The following ENTPD1 variants were observed in gnomAD, a reference collection of about 807,000 sequenced individuals.
The protein encoded by ENTPD1 is ectonucleoside triphosphate diphosphohydrolase 1.
ENTPD1 carries 33 observed loss-of-function variants against 57.0 expected under a neutral mutation model. The observed-to-expected ratio is 0.58, with a 90% CI of 0.44 to 0.77. ENTPD1 has a LOEUF of 0.77. Among genes scored for constraint, ENTPD1 ranks in the 30% least tolerant of loss-of-function variants. The probability of loss-of-function intolerance (pLI) is 0.00; values close to 1 mark genes in which losing one functional copy is unlikely to be tolerated. For missense variants in ENTPD1, 501 were observed against 603.4 expected (o/e 0.83, Z 1.78); for synonymous variants, 202 against 218.8 (o/e 0.92, Z 0.68).
intron 1 of ENTPD1, among the ~76,000 whole-genome samples, chr10:95,749,345 T>C (rs780632956): frequency 2.6e-5 from 4 of 152,234 alleles, no homozygotes; most frequent in African/African-American, 7.2e-5. Flanking sequence ...ATATATCTGA[T>C]ACATTTCAAT....
the ENTPD1 span, among the ~76,000 whole-genome samples, chr10:95,696,972 C>T: frequency 0.016 from 2,376 of 152,310 alleles, 59 homozygotes; most frequent in African/African-American, 0.054. Context: ...CTTGTGCATA[C>T]ATGAACATGC....
rs142541792 is a variant in ENTPD1, at chr10:95,851,294, A to G, written c.1074+3588A>G. On this transcript the variant is annotated intron_variant, in intron 7 of 9. Coordinates refer to ENST00000371205, the MANE Select transcript of ENTPD1 (RefSeq NM_001776.6). ...TTGGTACAAAAGTAATTGTGGTTTC[A>G]GACCATGAATTTTATTTTTTTAATT... 5.4e-3 allele frequency among the ~76,000 whole-genome samples: 822 copies of G among 152,060 alleles called. 11 individuals are homozygous for G. The highest frequency in any genetic ancestry group is 0.018 in the African/African-American group (745 of 41,532).
Position 95,845,417 on chromosome 10 carries a change from T to C in ENTPD1, c.634T>C (p.Leu212=). The change falls in exon 6 of 10, where the codon TTG becomes CTG. Residue 212 remains leucine, a synonymous_variant. Coordinates refer to ENST00000371205, the MANE Select transcript of ENTPD1 (RefSeq NM_001776.6). ...CAATAATCAGGAAACCTTTGGAGCT[T>C]TGGACCTTGGGGGAGCCTCTACACA... ...ETNNQETFGA[L]DLGGASTQVT... The C allele has an allele frequency of 6.2e-7, 1 of 1,614,156 alleles. No individual in the cohort carries two copies. The highest frequency in any genetic ancestry group is 8.5e-7 in the Non-Finnish European group (1 of 1,180,026).
At chr10:95,744,934 T>C (rs1244911874) in intron 1 of ENTPD1, among the ~76,000 whole-genome samples, 1 of 152,190 alleles carries the variant, frequency 6.6e-6, no homozygotes, top group Non-Finnish European at 1.5e-5. Flanking sequence ...CCCTGATGAA[T>C]CTTTGGTAAT....
chr10:95,848,055 C>CTGA (rs1284976982), intron 7 of ENTPD1, among the ~76,000 whole-genome samples: 4 of 152,106 alleles, frequency 2.6e-5, no homozygotes, highest in Non-Finnish European at 5.9e-5. Flanking sequence ...AGAGGTTAGC[C>CTGA]CCAGCAGTGT....
Position 95,740,344 on chromosome 10 carries a change from C to T in ENTPD1, c.37+28351C>T, listed in dbSNP as rs549737016. Among the ~76,000 whole-genome samples the T allele has an allele frequency of 2.6e-4, 39 of 152,260 alleles. 1 individual carries two copies. In the South Asian group the frequency reaches 7.9e-3, roughly 31 times the overall value. ...TTTACCATGTTGGCCAGGCTGGGCT[C>T]GAACTCCTAACCTCAGGTGATCTGC... is the stretch of plus-strand genomic sequence containing the variant. On this transcript the variant is annotated intron_variant, in intron 1 of 9. Coordinates refer to the ENTPD1 transcript ENST00000453258.
intron 1 of ENTPD1, among the ~76,000 whole-genome samples, chr10:95,783,256 C>G (rs1372396799): frequency 6.6e-6 from 1 of 152,154 alleles, no homozygotes; most frequent in African/African-American, 2.4e-5. Flanking sequence ...GGGGTCATCA[C>G]TCTGTAGGAG....
At chr10:95,714,065 C>T (rs1487658102) in intron 1 of ENTPD1, among the ~76,000 whole-genome samples, 2 of 152,208 alleles carry the variant, frequency 1.3e-5, no homozygotes, top group African/African-American at 2.4e-5. Flanking sequence ...AATCCCAGCA[C>T]TTTGGGAGGC....
rs144023137 is a variant in ENTPD1 at position 95,778,167 on chromosome 10, T to A, written c.16+21912T>A. 3.7e-3 allele frequency among the ~76,000 whole-genome samples: 558 copies of A among 152,216 alleles called. 8 individuals are homozygous for A. Among genetic ancestry groups the A allele is most frequent in the South Asian group, 0.011 (51 of 4,820 alleles). On this transcript the variant is annotated intron_variant, in intron 1 of 9. Transcript: ENST00000371205. ...TGGGCTGCACCCACTGTCCAACCAG[T>A]CCCAATGAGATGAACCAGGTACCTC... is the stretch of plus-strand genomic sequence containing the variant.
intron 1 of ENTPD1, among the ~76,000 whole-genome samples, chr10:95,716,680 TATG>T (rs2097971929): frequency 6.6e-6 from 1 of 152,234 alleles, no homozygotes; most frequent in Non-Finnish European, 1.5e-5. Context: ...TCTGCTATGT[TATG>T]ATGCAACGTG....
chr10:95,711,040 T>C (rs2097965134), upstream of ENTPD1, among the ~76,000 whole-genome samples: 1 of 152,150 alleles, frequency 6.6e-6, no homozygotes, highest in African/African-American at 2.4e-5. Context: ...GGACTTTCTC[T>C]TGCCCTTCTG....
intron 1 of ENTPD1, among the ~76,000 whole-genome samples, chr10:95,792,969 A>C (rs1304258466): frequency 6.6e-6 from 1 of 152,160 alleles, no homozygotes; most frequent in Non-Finnish European, 1.5e-5. Context: ...TGTGTCCAGC[A>C]TCTTGCCAGG....
In ENTPD1 at chr10:95,744,911, C is replaced by T. The variant is rs191751200; in HGVS notation, c.37+32918C>T. ...AAATATCCCCTCTGCTTTACTTATT[C>T]GACCTTTCCCTACCCTGATGAATCT... On this transcript the variant is annotated intron_variant, in intron 1 of 9. Coordinates refer to the ENTPD1 transcript ENST00000453258. Among the ~76,000 whole-genome samples, 155 of 152,232 alleles carry T rather than the reference C, an allele frequency of 1.0e-3. 1 individual carries two copies. Among genetic ancestry groups the T allele is most frequent in the African/African-American group, 3.2e-3 (131 of 41,562 alleles).
intron 7 of ENTPD1, among the ~76,000 whole-genome samples, chr10:95,849,289 A>G (rs1358840330): frequency 6.6e-6 from 1 of 152,210 alleles, no homozygotes; most frequent in Non-Finnish European, 1.5e-5. Flanking sequence ...TTGAAAAATT[A>G]GCTACCATCT....
At chr10:95,840,403 G>T (rs1208507988) in intron 3 of ENTPD1, among the ~76,000 whole-genome samples, 1 of 152,186 alleles carries the variant, frequency 6.6e-6, no homozygotes, top group Non-Finnish European at 1.5e-5. Context: ...AATCTGTCTG[G>T]TTCAGAGATT....
rs894421823 is a variant in ENTPD1 at position 95,783,071 on chromosome 10, C to T, written c.16+26816C>T. 4.6e-5 allele frequency among the ~76,000 whole-genome samples: 7 copies of T among 151,974 alleles called. 1 individual carries two copies. The highest frequency in any genetic ancestry group is 6.8e-3 in the Middle Eastern group (2 of 294). On this transcript the variant is annotated intron_variant, in intron 1 of 9. Transcript: ENST00000371205. ...TGTGTAGTGTATGTATCCGTTGTCT[C>T]CTAGGGAGTTTCTTTGAGGATCAAA...
chr10:95,753,128 CTTCCATCT>C (rs905435254), upstream of ENTPD1: 1 of 152,044 alleles, frequency 6.6e-6, no homozygotes, highest in African/African-American at 2.4e-5. Context: ...CTGACAACTC[CTTCCATCT>C]TTCTGAGTGC....
chr10:95,700,603 G>A, the ENTPD1 span, among the ~76,000 whole-genome samples: 35 of 152,108 alleles, frequency 2.3e-4, no homozygotes, highest in African/African-American at 5.3e-4. Context: ...TGGGAAGATC[G>A]CTTGCACCCA....
intron 2 of ENTPD1, among the ~76,000 whole-genome samples, chr10:95,828,275 T>C (rs1384251228): frequency 1.3e-5 from 2 of 152,198 alleles, no homozygotes; most frequent in East Asian, 3.8e-4. Flanking sequence ...GCGTGCTCCT[T>C]GTGAGAATCT....
Sources: gnomAD v4.1 joint callset for allele counts (sites outside exome capture counted in the v4.1 genomes callset) on GRCh38, gnomAD v4.1.1 for gene constraint, MANE v1.5 for transcripts, NCBI Gene and HGNC (gene_info 2026-07-23, HGNC 2026-07-21) for gene names.